FNDC3B: variants seen among roughly 807,000 people sequenced by gnomAD.
FNDC3B encodes the protein fibronectin type III domain containing 3B.
In FNDC3B, 12 loss-of-function variants were observed where a neutral mutation model predicts 151.5. The ratio of observed to expected loss-of-function variants is 0.08; its 90% CI spans 0.05 to 0.13. The LOEUF (loss-of-function observed/expected upper bound fraction) is 0.13. Among genes scored for constraint, FNDC3B ranks in the 10% least tolerant of loss-of-function variants. The pLI, the probability that FNDC3B is intolerant of heterozygous loss-of-function variation, is 1.00. For missense variants in FNDC3B, 1,214 were observed against 1,505.3 expected, an observed-to-expected ratio of 0.81 and a Z score of 3.20; for synonymous variants, 528 against 549.0, an observed-to-expected ratio of 0.96 and a Z score of 0.54.
At chr3:172,305,759 G>A (rs1434737608) in intron 9 of FNDC3B, among the ~76,000 whole-genome samples, 2 of 152,170 alleles carry the variant, frequency 1.3e-5, no homozygotes, top group Non-Finnish European at 2.9e-5. Flanking sequence ...AGAATTCTGT[G>A]TATCAAAGTT....
At chr3:172,057,444 A>G (rs1716969724) in intron 1 of FNDC3B, among the ~76,000 whole-genome samples, 1 of 152,220 alleles carries the variant, frequency 6.6e-6, no homozygotes, top group Non-Finnish European at 1.5e-5. Context: ...GATGTCAATC[A>G]ATAGAAGAGT....
At chr3:172,376,969 A>C (rs1206648205) in intron 23 of FNDC3B, among the ~76,000 whole-genome samples, 1 of 152,226 alleles carries the variant, frequency 6.6e-6, no homozygotes, top group Admixed American at 6.5e-5. Context: ...GCACATGGAA[A>C]AGCTGCTGCC....
chr3:172,359,201 A>G (rs1576944524), intron 22 of FNDC3B, among the ~76,000 whole-genome samples: 1 of 152,186 alleles, frequency 6.6e-6, no homozygotes, highest in East Asian at 1.9e-4. Flanking sequence ...TTTTTTTTAT[A>G]TCTTGATACT....
intron 14 of FNDC3B, 70 bp from the exon 15 acceptor site, chr3:172,334,873 TA>T: frequency 6.7e-7 from 1 of 1,486,056 alleles, no homozygotes. Flanking sequence ...CTCACCATGT[TA>T]AAAAGTGACC....
chr3:172,362,567 A>G lies in FNDC3B; in HGVS notation c.2796-66A>G, dbSNP rs1017301342. On this transcript the variant is annotated intron_variant, in intron 22 of 25. Transcript: ENST00000415807. ...GTAATAAATACTATGCTCAATGTTTATTTCGAATGAAGAATTGCTGCTGCT... is the reference window on the plus strand; with the variant it reads ...GTAATAAATACTATGCTCAATGTTTGTTTCGAATGAAGAATTGCTGCTGCT... The G allele has an allele frequency of 1.9e-5, 22 of 1,184,996 alleles. No individual in the cohort carries two copies. The African/African-American group carries it at 3.3e-4, about 18-fold the overall frequency. The allele number at this position is 1,184,996 out of a possible 1,614,324, so 73.4% of individuals were successfully genotyped here.
intron 1 of FNDC3B, among the ~76,000 whole-genome samples, chr3:172,073,289 T>C (rs1717866605): frequency 6.6e-6 from 1 of 152,204 alleles, no homozygotes; most frequent in Non-Finnish European, 1.5e-5. Flanking sequence ...AACATGGTGG[T>C]TGGGGTGTTT....
In FNDC3B at chr3:172,154,397, G is replaced by A. The variant is rs145719287; in HGVS notation, c.187+20851G>A. Among the ~76,000 whole-genome samples the A allele has an allele frequency of 2.2e-3, 341 of 152,236 alleles. 6 individuals carry two copies. Among genetic ancestry groups the A allele is most frequent in the Admixed American group, 0.017 (256 of 15,300 alleles). ...TGCCCAGCTAATTTTTGTATTTTTAGTAGAGACGGGGTTTCACCATGTTGG... is the reference window on the plus strand; with the variant it reads ...TGCCCAGCTAATTTTTGTATTTTTAATAGAGACGGGGTTTCACCATGTTGG... On this transcript the variant is annotated intron_variant, in intron 3 of 25. Coordinates refer to ENST00000415807, the MANE Select transcript of FNDC3B (RefSeq NM_022763.4).
At chr3:172,111,060 C>G (rs1719934294) in intron 1 of FNDC3B, among the ~76,000 whole-genome samples, 1 of 143,652 alleles carries the variant, frequency 7.0e-6, no homozygotes, top group Non-Finnish European at 1.5e-5. Flanking sequence ...GATCATGCCA[C>G]TGCACTCCAG....
intron 1 of FNDC3B, among the ~76,000 whole-genome samples, chr3:172,056,070 T>C (rs531544378): frequency 4.7e-4 from 72 of 152,006 alleles, no homozygotes; most frequent in African/African-American, 1.7e-3. Context: ...CGTGAGCCAC[T>C]GCGCCCGGCC....
chr3:172,167,800 G>A (rs929196359), intron 3 of FNDC3B, among the ~76,000 whole-genome samples: 11 of 152,236 alleles, frequency 7.2e-5, no homozygotes, highest in East Asian at 1.9e-4. Flanking sequence ...TGTGAACTGC[G>A]CATGTGAAGG....
At chr3:172,335,924 T>C (rs1732941752) in intron 15 of FNDC3B, 1 of 151,946 alleles carries the variant, frequency 6.6e-6, no homozygotes. Context: ...TACCTAATAA[T>C]TGTGAGATAG....
At chr3:172,074,720 C>G (rs916031184) in intron 1 of FNDC3B, among the ~76,000 whole-genome samples, 18 of 152,202 alleles carry the variant, frequency 1.2e-4, no homozygotes, top group Non-Finnish European at 7.3e-5. Flanking sequence ...TATTTCATAA[C>G]TATCAGTCAT....
intron 6 of FNDC3B, among the ~76,000 whole-genome samples, chr3:172,281,081 A>G (rs973486748): frequency 1.3e-5 from 2 of 151,932 alleles, no homozygotes; most frequent in African/African-American, 4.8e-5. Context: ...TCAGCTGACC[A>G]TGTTTGAATT....
chr3:172,045,367 G>A (rs1716309744), intron 1 of FNDC3B, among the ~76,000 whole-genome samples: 1 of 152,172 alleles, frequency 6.6e-6, no homozygotes, highest in Non-Finnish European at 1.5e-5. Context: ...CTGTAGCTGG[G>A]CTAGTGTTGC....
At chr3:172,183,687 C>G (rs957990035) in intron 3 of FNDC3B, among the ~76,000 whole-genome samples, 8 of 152,148 alleles carry the variant, frequency 5.3e-5, no homozygotes. Context: ...ACTAAGATAA[C>G]CTGTTGAAGT....
At chr3:172,093,547 C>T (rs182541081) in intron 1 of FNDC3B, among the ~76,000 whole-genome samples, 482 of 152,196 alleles carry the variant, frequency 3.2e-3, no homozygotes, top group African/African-American at 7.9e-3. Flanking sequence ...CGTGAGTCAC[C>T]GCGCCCGGCC....
chr3:172,053,574 C>G (rs1716773158), intron 1 of FNDC3B, among the ~76,000 whole-genome samples: 1 of 152,130 alleles, frequency 6.6e-6, no homozygotes, highest in Non-Finnish European at 1.5e-5. Context: ...GAGTTTGAGA[C>G]ACACCTGACC....
intron 6 of FNDC3B, among the ~76,000 whole-genome samples, chr3:172,278,334 A>T (rs551342403): frequency 4.6e-5 from 7 of 152,314 alleles, no homozygotes; most frequent in Admixed American, 3.9e-4. Context: ...GTAGTGTATG[A>T]ACTTTAATTA....
chr3:172,311,016 A>G (rs1458762640), intron 11 of FNDC3B, 135 bp downstream of exon 11: 20 of 677,384 alleles, frequency 3.0e-5, no homozygotes, highest in Middle Eastern at 4.0e-4. Context: ...ATTTAAATCA[A>G]TAGTTATTGA....
Sources: gnomAD v4.1 joint callset for allele counts (sites outside exome capture counted in the v4.1 genomes callset) on GRCh38, gnomAD v4.1.1 for gene constraint, MANE v1.5 for transcripts, NCBI Gene and HGNC (gene_info 2026-07-23, HGNC 2026-07-21) for gene names.